The following RYR2 variants were observed in gnomAD, a reference collection of about 807,000 sequenced individuals.
The protein encoded by RYR2 is cardiac muscle ryanodine receptor-calcium release channel.
In RYR2, 227 loss-of-function variants were observed where a neutral mutation model predicts 601.1. The observed-to-expected ratio is 0.38, with a 90% CI of 0.34 to 0.42. RYR2 has a LOEUF of 0.42. Among genes scored for constraint, RYR2 ranks in the 10% least tolerant of loss-of-function variants. The probability of loss-of-function intolerance (pLI) is 1.00; values close to 1 mark genes in which losing one functional copy is unlikely to be tolerated. For missense variants in RYR2, 4,646 were observed against 6,156.5 expected (o/e 0.75, Z 8.21); for synonymous variants, 2,223 against 2,175.1 (o/e 1.02, Z -0.61).
intron 1 of RYR2, among the ~76,000 whole-genome samples, chr1:237,220,956 C>T (rs1194059958): frequency 1.3e-5 from 2 of 151,908 alleles, no homozygotes; most frequent in African/African-American, 4.8e-5. Flanking sequence ...TGTAGCTGGG[C>T]GTGGTGGTGG....
At chr1:237,490,874 C>T (rs1282427475) in intron 17 of RYR2, among the ~76,000 whole-genome samples, 1 of 152,122 alleles carries the variant, frequency 6.6e-6, no homozygotes. Context: ...AATATTAACT[C>T]CATTTGAGAT....
At chr1:237,129,813 G>C (rs760129649) in intron 1 of RYR2, among the ~76,000 whole-genome samples, 2 of 152,044 alleles carry the variant, frequency 1.3e-5, no homozygotes, top group Non-Finnish European at 2.9e-5. Context: ...AGGACATTAT[G>C]CTAAGAGAAA....
intron 1 of RYR2, among the ~76,000 whole-genome samples, chr1:237,237,762 A>T (rs1050372418): frequency 1.3e-5 from 2 of 152,230 alleles, no homozygotes; most frequent in East Asian, 3.9e-4. Context: ...TTCCGAATTG[A>T]CTAAGGTTTG....
At chr1:237,555,506 C>A (rs1204803123) in intron 27 of RYR2, among the ~76,000 whole-genome samples, 1 of 152,002 alleles carries the variant, frequency 6.6e-6, no homozygotes, top group African/African-American at 2.4e-5. Context: ...ATTTGATTTC[C>A]CCAGGTTTTC....
At chr1:237,652,810 G>T (rs1167331927) in intron 51 of RYR2, among the ~76,000 whole-genome samples, 2 of 152,076 alleles carry the variant, frequency 1.3e-5, no homozygotes, top group Non-Finnish European at 2.9e-5. Context: ...ATATGTCAGT[G>T]TTAAGCCAAG....
At chr1:237,042,660 G>T in intron 1 of RYR2, 91 bp downstream of exon 1, 3 of 1,199,734 alleles carry the variant, frequency 2.5e-6, no homozygotes, top group Non-Finnish European at 3.2e-6. Flanking sequence ...CGGGCAGCGG[G>T]GACTCGCGGG....
intron 2 of RYR2, among the ~76,000 whole-genome samples, chr1:237,325,873 G>T (rs1479659687): frequency 6.6e-6 from 1 of 152,126 alleles, no homozygotes; most frequent in Non-Finnish European, 1.5e-5. Flanking sequence ...TTAAAAATAT[G>T]AAATAGTGTG....
chr1:237,810,704 T>G (rs1661158314), intron 100 of RYR2, among the ~76,000 whole-genome samples: 1 of 152,164 alleles, frequency 6.6e-6, no homozygotes, highest in Non-Finnish European at 1.5e-5. Flanking sequence ...TAAATGATCA[T>G]TAGTAGTGTC....
intron 87 of RYR2, 64 bp downstream of exon 87, chr1:237,773,712 A>G: frequency 7.2e-7 from 1 of 1,394,202 alleles, no homozygotes; most frequent in Non-Finnish European, 9.8e-7. Flanking sequence ...CAGTATATCT[A>G]GAGTAGTTTC....
chr1:237,064,089 C>T (rs1037665601), intron 1 of RYR2, among the ~76,000 whole-genome samples: 3 of 152,140 alleles, frequency 2.0e-5, no homozygotes, highest in African/African-American at 7.2e-5. Flanking sequence ...CTGCCTCATT[C>T]TCTCTCTCCC....
intron 101 of RYR2, among the ~76,000 whole-genome samples, chr1:237,822,856 C>T (rs1662666007): frequency 6.6e-6 from 1 of 151,890 alleles, no homozygotes; most frequent in Admixed American, 6.6e-5. Flanking sequence ...AAATGGAAAA[C>T]AAAACAAAAC....
intron 6 of RYR2, among the ~76,000 whole-genome samples, chr1:237,373,416 ACACACCTAGCTG>A (rs1327556966): frequency 6.6e-6 from 1 of 152,190 alleles, no homozygotes; most frequent in Non-Finnish European, 1.5e-5. Flanking sequence ...ACTCACAGAC[ACACACCTAGCTG>A]GATGGGCCCT....
At chr1:237,070,106 C>A (rs542865331) in intron 1 of RYR2, among the ~76,000 whole-genome samples, 43 of 151,116 alleles carry the variant, frequency 2.8e-4, no homozygotes, top group African/African-American at 1.0e-3. Context: ...TCATGGCTCA[C>A]TGCAGCCTTG....
chr1:237,305,109 A>G (rs1693742670), intron 2 of RYR2, among the ~76,000 whole-genome samples: 1 of 152,210 alleles, frequency 6.6e-6, no homozygotes, highest in South Asian at 2.1e-4. Context: ...ATTTGAAGAT[A>G]CGCGTATATT....
chr1:237,180,872 T>C lies in RYR2; in HGVS notation c.49-89625T>C, dbSNP rs938508009. Among the ~76,000 whole-genome samples, 1 of 148,360 alleles carries C rather than the reference T, an allele frequency of 6.7e-6. No homozygotes were observed. Among genetic ancestry groups the C allele is most frequent in the Admixed American group, 6.8e-5 (1 of 14,782 alleles). On this transcript the variant is annotated intron_variant, in intron 1 of 104. Coordinates refer to ENST00000366574, the MANE Select transcript of RYR2 (RefSeq NM_001035.3). This position sits in a 1 kb window ranked among gnomAD's most constrained non-coding sequence, Gnocchi z 5.3. ...AGTATATATTTATACTAATTAAATA[T>C]ATTTGATTATATAATTATAACAATA...
intron 29 of RYR2, among the ~76,000 whole-genome samples, chr1:237,577,835 C>T (rs1233503457): frequency 1.3e-5 from 2 of 152,194 alleles, no homozygotes; most frequent in Non-Finnish European, 2.9e-5. Flanking sequence ...CAGAGTCTTA[C>T]TCTGTCACCC....
chr1:237,234,544 A>T (rs1685343899), intron 1 of RYR2, among the ~76,000 whole-genome samples: 1 of 152,096 alleles, frequency 6.6e-6, no homozygotes, highest in African/African-American at 2.4e-5. Context: ...GTTTTTATAT[A>T]CTCCATGTTG....
chr1:237,445,256 C>A, intron 13 of RYR2, 145 bp from the exon 14 acceptor site: 1 of 890,690 alleles, frequency 1.1e-6, no homozygotes, highest in Non-Finnish European at 1.7e-6. Flanking sequence ...ATGATTTTAT[C>A]TGAACGTAAC....
intron 101 of RYR2, among the ~76,000 whole-genome samples, chr1:237,822,957 AG>A (rs1356935477): frequency 3.9e-5 from 6 of 152,240 alleles, no homozygotes; most frequent in Non-Finnish European, 8.8e-5. Context: ...ATAATGGTAA[AG>A]GGATCAATGC....
Sources: allele counts gnomAD v4.1 joint callset (sites outside exome capture counted in the v4.1 genomes callset), GRCh38; gene constraint gnomAD v4.1.1; non-coding constraint Gnocchi (gnomAD v3.1); transcripts MANE v1.5; gene names NCBI Gene and HGNC (gene_info 2026-07-23, HGNC 2026-07-21).